LCORL: variants seen among roughly 807,000 people sequenced by gnomAD.
The protein encoded by LCORL is ligand dependent nuclear receptor corepressor like.
LCORL carries 41 observed loss-of-function variants against 141.8 expected under a neutral mutation model. The observed-to-expected ratio is 0.29, with a 90% CI of 0.23 to 0.38. LCORL has a LOEUF of 0.38. Ranked by LOEUF, LCORL falls within the 10% of genes least tolerant of loss-of-function variation. The pLI, the probability that LCORL is intolerant of heterozygous loss-of-function variation, is 1.00. For synonymous variants in LCORL, 618 were observed against 694.1 expected, an observed-to-expected ratio of 0.89 and a Z score of 1.72; for missense variants, 1,759 against 2,035.0, an observed-to-expected ratio of 0.86 and a Z score of 2.61.
intron 4 of LCORL, among the ~76,000 whole-genome samples, chr4:17,941,099 G>A (rs966758577): frequency 1.3e-5 from 2 of 152,090 alleles, no homozygotes; most frequent in East Asian, 1.9e-4. Context: ...CATCAGGGCC[G>A]GGCGCTGTGG....
rs920119428 is a variant in LCORL, at chr4:17,886,525, G to C, written c.683-364C>G. The stretch of plus-strand genomic sequence containing the variant: ...GCCCAGATAATGCTTTGGGAAGGTG[G>C]GAGTGATGTAAATTGTACAAAATGG... On this transcript the variant is annotated intron_variant, in intron 5 of 7. Coordinates refer to ENST00000635767, the Ensembl canonical transcript of LCORL. Among the ~76,000 whole-genome samples, 40 of 152,100 alleles carry C rather than the reference G, an allele frequency of 2.6e-4. 1 individual carries two copies. Among genetic ancestry groups the C allele is most frequent in the South Asian group, 2.1e-4 (1 of 4,824 alleles).
chr4:17,987,433 ATAC>A (rs1719173269), intron 1 of LCORL, among the ~76,000 whole-genome samples: 2 of 152,176 alleles, frequency 1.3e-5, no homozygotes, highest in Admixed American at 1.3e-4. Flanking sequence ...CTGTTTGGAT[ATAC>A]TACATTTGTT....
intron 5 of LCORL, among the ~76,000 whole-genome samples, chr4:17,907,831 C>T (rs1388401853): frequency 6.6e-6 from 1 of 152,084 alleles, no homozygotes; most frequent in Non-Finnish European, 1.5e-5. Context: ...GACACCCATG[C>T]GATATCATAG....
At chr4:17,973,596 C>A (rs1004384810) in intron 1 of LCORL, among the ~76,000 whole-genome samples, 4 of 151,652 alleles carry the variant, frequency 2.6e-5, no homozygotes, top group African/African-American at 9.7e-5. Context: ...AAAATATGAT[C>A]CTGATGGCAA....
At chr4:17,934,025 T>G (rs199857277) in intron 4 of LCORL, among the ~76,000 whole-genome samples, 24 of 152,198 alleles carry the variant, frequency 1.6e-4, no homozygotes, top group African/African-American at 5.3e-4. Flanking sequence ...CCTCTGGTCC[T>G]ATGATTTTAA....
intron 1 of LCORL, among the ~76,000 whole-genome samples, chr4:17,982,154 T>C (rs922344899): frequency 7.0e-6 from 1 of 142,042 alleles, no homozygotes; most frequent in African/African-American, 2.7e-5. Flanking sequence ...GTATACAAGA[T>C]ATTTTCTTTA....
Position 17,857,253 on chromosome 4 carries a change from G to A in LCORL, c.5603-11352C>T, listed in dbSNP as rs928863576. Reference sequence around the variant, plus strand: ...CTAGAATCTGTGGGTTAGAGTATAGGAGAGACATGGGGGTGGGGGGAGAAA... The same window carrying A: ...CTAGAATCTGTGGGTTAGAGTATAGAAGAGACATGGGGGTGGGGGGAGAAA... On this transcript the variant is annotated intron_variant, in intron 7 of 7. Transcript: ENST00000635767. Among the ~76,000 whole-genome samples the A allele has an allele frequency of 3.0e-4, 45 of 152,006 alleles. 2 individuals are homozygous for A. The highest frequency in any genetic ancestry group is 1.9e-4 in the Non-Finnish European group (13 of 68,004).
At chr4:17,842,793 T>A (rs1191652455) in exon 8 of LCORL, 1 of 169,178 alleles carries the variant, frequency 5.9e-6, no homozygotes, top group Non-Finnish European at 1.3e-5. Context: ...CAAGCCACTG[T>A]TAGAGCTGAA....
Position 17,884,154 on chromosome 4 carries a change from G to A in LCORL, c.776+1914C>T. On this transcript the variant is annotated intron_variant, in intron 6 of 7. Transcript: ENST00000635767. This position sits in a 1 kb window ranked among gnomAD's most constrained non-coding sequence, Gnocchi z 4.4. ...GAACATTCTATTTTGTTCTGTTTAG[G>A]GAGTATATTTTTCAGTTTTTGGAGA... The A allele has an allele frequency of 6.4e-7, 1 of 1,550,512 alleles. No homozygotes were observed. Among genetic ancestry groups the A allele is most frequent in the Non-Finnish European group, 8.7e-7 (1 of 1,146,262 alleles).
Position 17,962,035 on chromosome 4 carries a change from A to G in LCORL, c.301-3T>C. ...GAATCAAGAGATGGTATACAATCCT[A>G]AAAGTATAAGAAAACAACAACATAC... is the stretch of plus-strand genomic sequence containing the variant. On this transcript the variant is annotated splice_region_variant and splice_polypyrimidine_tract_variant and intron_variant, in intron 3 of 7. Transcript: ENST00000635767. The G allele has an allele frequency of 6.3e-7, 1 of 1,576,466 alleles. No individual in the cohort carries two copies. The highest frequency in any genetic ancestry group is 8.6e-7 in the Non-Finnish European group (1 of 1,162,990).
chr4:17,934,260 G>C (rs1367903683), intron 4 of LCORL, among the ~76,000 whole-genome samples: 1 of 152,042 alleles, frequency 6.6e-6, no homozygotes, highest in Non-Finnish European at 1.5e-5. Context: ...TTCATCAAAT[G>C]TAACAAATGA....
At chr4:17,896,698 A>G (rs1729982222) in intron 5 of LCORL, among the ~76,000 whole-genome samples, 1 of 152,154 alleles carries the variant, frequency 6.6e-6, no homozygotes, top group Non-Finnish European at 1.5e-5. Context: ...GGCATCCATC[A>G]CTTCAAGCAT....
chr4:17,979,088 CTTCCTGTGTCCATGTGTTCTCATTG>C (rs1717526989), intron 1 of LCORL, among the ~76,000 whole-genome samples: 1 of 152,116 alleles, frequency 6.6e-6, no homozygotes, highest in South Asian at 2.1e-4. Flanking sequence ...TTATGTTCCC[CTTCCTGTGTCCATGTGTTCTCATTG>C]TTCAATTCCC....
intron 5 of LCORL, among the ~76,000 whole-genome samples, chr4:17,894,024 C>T (rs905673092): frequency 5.3e-5 from 8 of 152,264 alleles, no homozygotes; most frequent in Middle Eastern, 3.4e-3. Context: ...GTCTTGAACG[C>T]CTGACCTCAA....
chr4:18,005,108 G>A (rs1323505369), intron 1 of LCORL, among the ~76,000 whole-genome samples: 2 of 152,028 alleles, frequency 1.3e-5, no homozygotes, highest in South Asian at 2.1e-4. Flanking sequence ...TAGTAGAGAC[G>A]GGATTTCTCT....
At chr4:17,921,045 G>A (rs78471813) in intron 4 of LCORL, among the ~76,000 whole-genome samples, 2,778 of 151,980 alleles carry the variant, frequency 0.018, 81 homozygotes, top group East Asian at 0.13. Flanking sequence ...TATTTTTTGA[G>A]ACAAAGTCTC....
intron 7 of LCORL, among the ~76,000 whole-genome samples, chr4:17,856,104 C>T (rs560432591): frequency 6.6e-6 from 1 of 152,350 alleles, no homozygotes; most frequent in Admixed American, 6.5e-5. Context: ...TCCAGTATGG[C>T]TTCTAGTGCT....
At chr4:17,915,659 C>T (rs773946476) in intron 4 of LCORL, among the ~76,000 whole-genome samples, 3 of 152,122 alleles carry the variant, frequency 2.0e-5, no homozygotes, top group Non-Finnish European at 4.4e-5. Context: ...GTAAATATTA[C>T]TGGAATTATG....
intron 4 of LCORL, among the ~76,000 whole-genome samples, chr4:17,949,825 A>T (rs2109529816): frequency 6.6e-6 from 1 of 152,288 alleles, no homozygotes; most frequent in South Asian, 2.1e-4. Flanking sequence ...GAGGGGTTTG[A>T]GAAACTTAAG....
Sources: gnomAD v4.1 joint callset for allele counts (sites outside exome capture counted in the v4.1 genomes callset) on GRCh38, gnomAD v4.1.1 for gene constraint, Gnocchi (gnomAD v3.1) non-coding constraint, MANE v1.5 for transcripts, NCBI Gene and HGNC (gene_info 2026-07-23, HGNC 2026-07-21) for gene names.